Variants in ADAM22 observed in about 807,000 individuals in gnomAD.
ADAM22 encodes the protein ADAM metallopeptidase domain 22.
A neutral mutation model predicts 144.6 loss-of-function variants in ADAM22; 65 were observed. The observed-to-expected ratio is 0.45, with a 90% CI of 0.37 to 0.55. The LOEUF is 0.55. Ranked by LOEUF, ADAM22 falls within the 20% of genes least tolerant of loss-of-function variation. The pLI, the probability that ADAM22 is intolerant of heterozygous loss-of-function variation, is 0.00. For synonymous variants in ADAM22, 391 were observed against 412.6 expected, an observed-to-expected ratio of 0.95 and a Z score of 0.63; for missense variants, 974 against 1,184.9, an observed-to-expected ratio of 0.82 and a Z score of 2.61.
chr7:87,942,108 A>G (rs1842593106), intron 2 of ADAM22, among the ~76,000 whole-genome samples: 1 of 152,174 alleles, frequency 6.6e-6, no homozygotes, highest in African/African-American at 2.4e-5. Context: ...GAAAGAAGAT[A>G]GATGTTCATA....
chr7:88,048,045 T>C (rs1027312671), intron 3 of ADAM22, among the ~76,000 whole-genome samples: 13 of 152,292 alleles, frequency 8.5e-5, no homozygotes, highest in Admixed American at 5.2e-4. Flanking sequence ...TGTTTTCTTC[T>C]TATGTCCTGC....
Position 88,181,595 on chromosome 7 carries a change from C to T in ADAM22, c.2586C>T (p.Asn862=). The change falls in exon 28 of 32, where the codon AAC becomes AAT. Residue 862 remains asparagine, a synonymous_variant. Transcript: ENST00000413139. The part of the protein sequence containing the change: ...DICENGRPRS[N]SWQGNLGGNK... ...GTGAAAATGGGCGACCTCGAAGTAA[C>T]TCTTGGCAAGGTAGAGGCTGGCATT... 6.2e-7 allele frequency: 1 copy of T among 1,613,494 alleles called. No individual in the cohort carries two copies. The highest frequency in any genetic ancestry group is 8.5e-7 in the Non-Finnish European group (1 of 1,179,554).
chr7:88,053,566 AG>A (rs1563113522), intron 3 of ADAM22, among the ~76,000 whole-genome samples: 76 of 149,528 alleles, frequency 5.1e-4, no homozygotes, highest in African/African-American at 1.9e-3. Context: ...GAAAGAAAGA[AG>A]GAAGGAGGAA....
chr7:88,011,777 TTC>T (rs1222024351), intron 3 of ADAM22, among the ~76,000 whole-genome samples: 3 of 150,636 alleles, frequency 2.0e-5, no homozygotes, highest in African/African-American at 7.3e-5. Flanking sequence ...TTTCAAGATT[TTC>T]TCTTTGTCTT....
chr7:87,968,551 C>CA (rs1185739618), intron 2 of ADAM22, among the ~76,000 whole-genome samples: 2 of 151,798 alleles, frequency 1.3e-5, no homozygotes, highest in African/African-American at 4.8e-5. Context: ...TCTGTCTCTA[C>CA]AAAAAATTTA....
At chr7:88,129,402 T>A (rs1158696667) in intron 9 of ADAM22, among the ~76,000 whole-genome samples, 1 of 151,980 alleles carries the variant, frequency 6.6e-6, no homozygotes, top group Admixed American at 6.6e-5. Context: ...AACTACTTAT[T>A]TGAGGAAAAA....
intron 3 of ADAM22, among the ~76,000 whole-genome samples, chr7:88,024,454 T>G (rs1235056099): frequency 6.6e-6 from 1 of 152,212 alleles, no homozygotes; most frequent in Non-Finnish European, 1.5e-5. Context: ...TGCTGAACAC[T>G]TTTTCATATG....
intron 3 of ADAM22, among the ~76,000 whole-genome samples, chr7:88,024,095 G>T (rs1339775585): frequency 6.6e-6 from 1 of 152,036 alleles, no homozygotes; most frequent in East Asian, 1.9e-4. Flanking sequence ...TTCATCTGTG[G>T]TTGGACACTT....
chr7:87,998,887 A>C (rs1033441194), intron 3 of ADAM22, among the ~76,000 whole-genome samples: 1 of 152,178 alleles, frequency 6.6e-6, no homozygotes, highest in Admixed American at 6.5e-5. Context: ...ATCATTTGGT[A>C]CAGAAATATT....
chr7:88,006,322 G>A (rs902358838), intron 3 of ADAM22, among the ~76,000 whole-genome samples: 3 of 151,870 alleles, frequency 2.0e-5, no homozygotes, highest in Non-Finnish European at 2.9e-5. Flanking sequence ...TACCAGAGGT[G>A]CAAGGAGGAA....
At chr7:88,112,779 A>G (rs1463551605) in intron 5 of ADAM22, among the ~76,000 whole-genome samples, 2 of 152,158 alleles carry the variant, frequency 1.3e-5, no homozygotes, top group Admixed American at 6.5e-5. Context: ...ACAATCATCA[A>G]TCACTGCAGC....
chr7:88,113,266 T>C lies in ADAM22; in HGVS notation c.474-1318T>C, dbSNP rs141836624. ...ACTCTTCTCTGTTTTACGTACTTTG[T>C]TTCAAATCCATCAGTAAATCCTACT... is the stretch of plus-strand genomic sequence containing the variant. On this transcript the variant is annotated intron_variant, in intron 5 of 31. Transcript: ENST00000413139. 4.6e-5 allele frequency among the ~76,000 whole-genome samples: 7 copies of C among 151,990 alleles called. No individual in the cohort carries two copies. In the East Asian group the frequency reaches 1.4e-3, roughly 29 times the overall value.
chr7:87,961,300 A>G (rs996829967), intron 2 of ADAM22, among the ~76,000 whole-genome samples: 2 of 152,160 alleles, frequency 1.3e-5, no homozygotes, highest in Admixed American at 6.6e-5. Context: ...GACTGCTCCA[A>G]AGAAGATTGG....
At chr7:88,187,079 A>AT (rs1222494316) in intron 30 of ADAM22, among the ~76,000 whole-genome samples, 1 of 152,188 alleles carries the variant, frequency 6.6e-6, no homozygotes, top group Non-Finnish European at 1.5e-5. Flanking sequence ...TTCATAATGC[A>AT]TTTTTCCTAC....
intron 3 of ADAM22, among the ~76,000 whole-genome samples, chr7:88,043,916 G>T (rs1803815903): frequency 6.6e-6 from 1 of 152,100 alleles, no homozygotes; most frequent in Non-Finnish European, 1.5e-5. Context: ...AAATACAAGA[G>T]ATCCTAGGGA....
intron 3 of ADAM22, among the ~76,000 whole-genome samples, chr7:87,982,286 A>G (rs1181165037): frequency 3.9e-5 from 6 of 152,034 alleles, no homozygotes; most frequent in Non-Finnish European, 5.9e-5. Flanking sequence ...AGTGCCATTT[A>G]TAGAGAGTGT....
At chr7:88,148,703 A>G (rs904044633) in intron 17 of ADAM22, among the ~76,000 whole-genome samples, 1 of 152,196 alleles carries the variant, frequency 6.6e-6, no homozygotes, top group African/African-American at 2.4e-5. Context: ...AAAAATTACT[A>G]GAACCTGGAC....
chr7:88,113,703 A>AATGTGTGTATATATATAT (rs1554478727), intron 5 of ADAM22, among the ~76,000 whole-genome samples: 4 of 48,108 alleles, frequency 8.3e-5, no homozygotes, highest in African/African-American at 1.6e-4. Context: ...TAAATAAATA[A>AATGTGTGTATATATATAT]ATATATATAT....
At chr7:88,088,218 A>G (rs1451526923) in intron 4 of ADAM22, among the ~76,000 whole-genome samples, 1 of 152,200 alleles carries the variant, frequency 6.6e-6, no homozygotes, top group Non-Finnish European at 1.5e-5. Flanking sequence ...AAACAAAGTA[A>G]CAAGGAATTT....
Sources: gnomAD v4.1 joint callset for allele counts (sites outside exome capture counted in the v4.1 genomes callset) on GRCh38, gnomAD v4.1.1 for gene constraint, MANE v1.5 for transcripts, NCBI Gene and HGNC (gene_info 2026-07-23, HGNC 2026-07-21) for gene names.